The following PTPRK variants were observed in gnomAD, a reference collection of about 807,000 sequenced individuals.
PTPRK encodes protein tyrosine phosphatase receptor type K.
Under a neutral mutation model 178.0 loss-of-function variants are expected in PTPRK, and 75 were observed. The ratio of observed to expected loss-of-function variants is 0.42; its 90% CI spans 0.35 to 0.51. The LOEUF is 0.51. PTPRK is among the 20% of genes least tolerant of loss of function. The pLI is 0.02. For synonymous variants in PTPRK, 637 were observed against 620.6 expected (o/e 1.03, Z -0.39); for missense variants, 1,441 against 1,797.8 (o/e 0.80, Z 3.59).
At chr6:128,475,488 T>C (rs532756120) in intron 1 of PTPRK, among the ~76,000 whole-genome samples, 5 of 152,126 alleles carry the variant, frequency 3.3e-5, no homozygotes, top group African/African-American at 1.2e-4. Context: ...GGAATGATAC[T>C]CTGAAGGTCT....
chr6:127,977,728 C>T (rs1182780662), intron 25 of PTPRK, among the ~76,000 whole-genome samples: 7 of 152,166 alleles, frequency 4.6e-5, no homozygotes, highest in Non-Finnish European at 1.0e-4. Context: ...AGCATAACAG[C>T]AATATATTTC....
At chr6:128,506,422 C>G (rs1179941924) in intron 1 of PTPRK, among the ~76,000 whole-genome samples, 1 of 151,908 alleles carries the variant, frequency 6.6e-6, no homozygotes, top group Non-Finnish European at 1.5e-5. Context: ...CTCAACCTAC[C>G]TAGAGAATTT....
At chr6:128,104,092 T>C (rs969760217) in intron 7 of PTPRK, among the ~76,000 whole-genome samples, 2 of 152,260 alleles carry the variant, frequency 1.3e-5, no homozygotes, top group Non-Finnish European at 2.9e-5. Flanking sequence ...TTTCCTCGCC[T>C]CCTGTAAGGC....
intron 13 of PTPRK, among the ~76,000 whole-genome samples, chr6:128,059,126 T>C (rs1446049690): frequency 6.6e-6 from 1 of 152,158 alleles, no homozygotes; most frequent in African/African-American, 2.4e-5. Flanking sequence ...GCCTTGCATA[T>C]TCTTATTCTT....
chr6:128,038,712 A>G (rs1335659530), intron 13 of PTPRK, among the ~76,000 whole-genome samples: 1 of 152,206 alleles, frequency 6.6e-6, no homozygotes, highest in Non-Finnish European at 1.5e-5. Flanking sequence ...AGCAGCCATC[A>G]ATAAAAAAAC....
chr6:128,206,544 TA>T (rs1807007474), intron 6 of PTPRK, among the ~76,000 whole-genome samples: 1 of 151,992 alleles, frequency 6.6e-6, no homozygotes, highest in African/African-American at 2.4e-5. Flanking sequence ...TCGCTGTAGA[TA>T]AACTAGATAC....
intron 1 of PTPRK, among the ~76,000 whole-genome samples, chr6:128,480,971 T>C (rs1262370524): frequency 1.3e-5 from 2 of 152,162 alleles, no homozygotes; most frequent in African/African-American, 2.4e-5. Flanking sequence ...TCATTCTCTT[T>C]GTCACATTCT....
intron 7 of PTPRK, among the ~76,000 whole-genome samples, chr6:128,171,871 C>T (rs1487296732): frequency 2.0e-5 from 3 of 152,008 alleles, no homozygotes; most frequent in African/African-American, 4.8e-5. Flanking sequence ...ATACATGTTT[C>T]AGTCAAAAAT....
chr6:128,507,132 A>G (rs1008417623), intron 1 of PTPRK, among the ~76,000 whole-genome samples: 13 of 152,140 alleles, frequency 8.5e-5, no homozygotes, highest in Non-Finnish European at 1.6e-4. Context: ...TCAAGTTCCA[A>G]TGTCCGCACT....
At chr6:128,200,462 C>A (rs1376421463) in intron 6 of PTPRK, among the ~76,000 whole-genome samples, 1 of 152,090 alleles carries the variant, frequency 6.6e-6, no homozygotes, top group East Asian at 1.9e-4. Context: ...AGAGGGCTCA[C>A]ACCTATTATC....
intron 13 of PTPRK, among the ~76,000 whole-genome samples, chr6:128,018,158 C>T (rs984178267): frequency 5.3e-5 from 8 of 151,962 alleles, no homozygotes; most frequent in African/African-American, 1.9e-4. Context: ...GATATAATCT[C>T]ATTCATGTCT....
intron 1 of PTPRK, among the ~76,000 whole-genome samples, chr6:128,511,616 C>T (rs1464078777): frequency 6.6e-6 from 1 of 152,136 alleles, no homozygotes; most frequent in Admixed American, 6.6e-5. Flanking sequence ...AGTGGAATTA[C>T]GTCAACTTCT....
chr6:128,220,296 T>C (rs985022979), intron 5 of PTPRK, among the ~76,000 whole-genome samples: 1 of 152,094 alleles, frequency 6.6e-6, no homozygotes, highest in Non-Finnish European at 1.5e-5. Context: ...CAAAAGTGAA[T>C]AGGGTATAAA....
intron 2 of PTPRK, among the ~76,000 whole-genome samples, chr6:128,326,356 A>G (rs892167296): frequency 1.3e-5 from 2 of 152,180 alleles, no homozygotes; most frequent in African/African-American, 4.8e-5. Context: ...CCATGTCTAC[A>G]AATGTATACT....
intron 13 of PTPRK, among the ~76,000 whole-genome samples, chr6:128,023,934 T>A (rs1245393334): frequency 3.9e-5 from 6 of 152,042 alleles, no homozygotes; most frequent in Non-Finnish European, 7.4e-5. Context: ...CCTCCCAAAG[T>A]GCTGGGATTA....
intron 11 of PTPRK, among the ~76,000 whole-genome samples, chr6:128,074,560 A>G (rs1783429805): frequency 6.6e-6 from 1 of 152,102 alleles, no homozygotes; most frequent in Non-Finnish European, 1.5e-5. Context: ...TTTTGAACAC[A>G]GTAATGATTG....
At chr6:128,142,823 A>G (rs1795966661) in intron 7 of PTPRK, among the ~76,000 whole-genome samples, 1 of 152,050 alleles carries the variant, frequency 6.6e-6, no homozygotes, top group East Asian at 1.9e-4. Flanking sequence ...TATAAAATGC[A>G]TTTCTACACA....
At chr6:128,207,139 T>A (rs141489338) in intron 6 of PTPRK, among the ~76,000 whole-genome samples, 1 of 152,264 alleles carries the variant, frequency 6.6e-6, no homozygotes, top group Non-Finnish European at 1.5e-5. Flanking sequence ...TTTCATCATC[T>A]GGTATTATTA....
intron 1 of PTPRK, among the ~76,000 whole-genome samples, chr6:128,441,721 C>A (rs1846309020): frequency 6.6e-6 from 1 of 152,124 alleles, no homozygotes; most frequent in South Asian, 2.1e-4. Context: ...TAAGAGTCAA[C>A]CAAAAGATTA....
Sources: gnomAD v4.1 joint callset for allele counts (sites outside exome capture counted in the v4.1 genomes callset) on GRCh38, gnomAD v4.1.1 for gene constraint, MANE v1.5 for transcripts, NCBI Gene and HGNC (gene_info 2026-07-23, HGNC 2026-07-21) for gene names.